PCSK6: variants seen among roughly 807,000 people sequenced by gnomAD.
PCSK6 encodes the protein proprotein convertase subtilisin/kexin type 6, also known as paired basic amino acid cleaving enzyme 4.
A neutral mutation model predicts 123.3 loss-of-function variants in PCSK6; 85 were observed. The ratio of observed to expected loss-of-function variants is 0.69; its 90% confidence interval spans 0.58 to 0.83. The LOEUF (loss-of-function observed/expected upper bound fraction) is 0.83. Ranked by LOEUF, PCSK6 falls within the 40% of genes least tolerant of loss-of-function variation. The pLI is 0.00. For synonymous variants in PCSK6, 508 were observed against 516.0 expected, an observed-to-expected ratio of 0.98 and a Z score of 0.21; for missense variants, 1,191 against 1,282.3, an observed-to-expected ratio of 0.93 and a Z score of 1.09.
chr15:101,483,886 A>C (rs7164308), intron 1 of PCSK6, among the ~76,000 whole-genome samples: 5,180 of 152,258 alleles, frequency 0.034, 299 homozygotes, highest in African/African-American at 0.12. Context: ...ACTTCTTAAC[A>C]TGGGCCTGCA....
At position 101,323,610 on chromosome 15, in the gene PCSK6, G is replaced by A. The variant is rs544428388; in HGVS notation, c.2378-1003C>T. ...TAGCCGGGCGTGATGGCGCATGCCT[G>A]TAAGCCCAGCTACTCGGGAGGCTGT... On this transcript the variant is annotated intron_variant, in intron 17 of 21. Coordinates refer to ENST00000611716, the MANE Select transcript of PCSK6 (RefSeq NM_002570.5). 4.6e-5 allele frequency among the ~76,000 whole-genome samples: 7 copies of A among 152,254 alleles called. No individual in the cohort carries two copies. In the South Asian group the frequency reaches 8.3e-4, roughly 18 times the overall value.
intron 13 of PCSK6, chr15:101,334,251 T>C (rs1464901780): frequency 2.0e-3 from 228 of 116,346 alleles, no homozygotes; most frequent in African/African-American, 7.3e-3. Flanking sequence ...AGGAAGTTGT[T>C]CTCACCGCTG....
intron 1 of PCSK6, among the ~76,000 whole-genome samples, chr15:101,473,291 G>A (rs1199639093): frequency 6.6e-6 from 1 of 152,130 alleles, no homozygotes; most frequent in Non-Finnish European, 1.5e-5. Context: ...CATCCAGGCT[G>A]GAGTACAGTG....
intron 15 of PCSK6, among the ~76,000 whole-genome samples, chr15:101,327,796 C>G (rs1190364104): frequency 2.0e-5 from 3 of 152,152 alleles, no homozygotes; most frequent in African/African-American, 7.2e-5. Flanking sequence ...CGAAGGCTCT[C>G]TGGTGTTATT....
intron 21 of PCSK6, among the ~76,000 whole-genome samples, chr15:101,306,840 G>C (rs1445436291): frequency 1.3e-5 from 2 of 152,086 alleles, no homozygotes; most frequent in Non-Finnish European, 2.9e-5. Flanking sequence ...GACCCTCCAG[G>C]CTTCCTGGCT....
At chr15:101,337,315 C>T (rs545486358) in intron 13 of PCSK6, 1 of 152,282 alleles carries the variant, frequency 6.6e-6, no homozygotes, top group South Asian at 2.1e-4. Context: ...CTTTCTAGTA[C>T]TTAAATGCTT....
chr15:101,451,200 T>C (rs544809686), intron 1 of PCSK6, among the ~76,000 whole-genome samples: 1 of 151,772 alleles, frequency 6.6e-6, no homozygotes, highest in South Asian at 2.1e-4. Context: ...TCCTGAGGAA[T>C]GGAGGAGGAA....
chr15:101,391,404 C>T (rs2042230175), intron 8 of PCSK6, among the ~76,000 whole-genome samples: 1 of 152,188 alleles, frequency 6.6e-6, no homozygotes, highest in Non-Finnish European at 1.5e-5. Context: ...GAAGGGGGTC[C>T]TGGGGAGCGA....
intron 13 of PCSK6, 136 bp downstream of exon 13, chr15:101,366,060 A>G: frequency 2.1e-6 from 2 of 942,092 alleles, no homozygotes; most frequent in Non-Finnish European, 3.1e-6. Context: ...TAAAATGGTG[A>G]ATTTTCTGTT....
chr15:101,479,846 T>C (rs570367038), intron 1 of PCSK6, among the ~76,000 whole-genome samples: 3 of 152,234 alleles, frequency 2.0e-5, no homozygotes, highest in Non-Finnish European at 2.9e-5. Flanking sequence ...CTTGGGCCTT[T>C]TGAAGGCAAG....
Position 101,403,327 on chromosome 15 carries a change from C to T in PCSK6, c.824-4751G>A, listed in dbSNP as rs568440141. 2.2e-4 allele frequency among the ~76,000 whole-genome samples: 33 copies of T among 149,364 alleles called. No homozygotes were observed. In the South Asian group the frequency reaches 2.8e-3, roughly 13 times the overall value. ...AGGAGATATACCTAATGCTAAATGA[C>T]CAGTTAATGGGTGCAGCACACCAGC... On this transcript the variant is annotated intron_variant, in intron 6 of 21. Coordinates refer to ENST00000611716, the MANE Select transcript of PCSK6 (RefSeq NM_002570.5).
chr15:101,353,437 C>A (rs1040832235), intron 13 of PCSK6, among the ~76,000 whole-genome samples: 2 of 152,072 alleles, frequency 1.3e-5, no homozygotes, highest in African/African-American at 2.4e-5. Flanking sequence ...CCCTAACAGT[C>A]CATGGACCAT....
chr15:101,322,866 A>G (rs904885931), intron 17 of PCSK6, among the ~76,000 whole-genome samples: 2 of 152,228 alleles, frequency 1.3e-5, no homozygotes, highest in African/African-American at 4.8e-5. Context: ...GCTTATTTCA[A>G]CAGGGATGGA....
intron 13 of PCSK6, among the ~76,000 whole-genome samples, chr15:101,355,398 G>T (rs907400729): frequency 6.6e-6 from 1 of 152,246 alleles, no homozygotes; most frequent in Non-Finnish European, 1.5e-5. Flanking sequence ...CTCCCTGGCA[G>T]GGGAAGACTG....
At chr15:101,483,094 G>C (rs538964615) in intron 1 of PCSK6, among the ~76,000 whole-genome samples, 2 of 152,184 alleles carry the variant, frequency 1.3e-5, no homozygotes, top group Non-Finnish European at 2.9e-5. Flanking sequence ...GGCCAGCCGC[G>C]CACAGCCAGT....
rs1185073843 is a variant in PCSK6, at chr15:101,307,193, G to A, written c.2812+20C>T. 4 of 1,588,266 alleles carry A rather than the reference G, an allele frequency of 2.5e-6. No homozygotes were observed. The highest frequency in any genetic ancestry group is 3.4e-5 in the Admixed American group (2 of 59,516). On this transcript the variant is annotated intron_variant, in intron 21 of 21. Transcript: ENST00000611716. The stretch of plus-strand genomic sequence containing the variant: ...GAGCTCCTCCACAGGCAGCCCCAGG[G>A]TAACCCAGCTGCTGCTCACCGTTGC...
chr15:101,445,398 A>C (rs1380501623), intron 1 of PCSK6, among the ~76,000 whole-genome samples: 2 of 152,208 alleles, frequency 1.3e-5, no homozygotes, highest in Non-Finnish European at 1.5e-5. Context: ...CGTGTGAAAG[A>C]GCTAGCAGAG....
In PCSK6 at chr15:101,394,162, CAG is replaced by C. The variant is rs750186548; in HGVS notation, c.997-740_997-739del. On this transcript the variant is annotated intron_variant, in intron 7 of 21. Transcript: ENST00000611716. The stretch of plus-strand genomic sequence containing the variant: ...GTTTTTTGTTTTTTTTTTTTTGAGA[CAG>C]GGGTCTTGCTACGTTACCCAGGCTG... 1.3e-3 allele frequency among the ~76,000 whole-genome samples: 174 copies of C among 128,968 alleles called. No individual in the cohort carries two copies. The Middle Eastern group carries it at 0.019, about 14-fold the overall frequency. The allele number at this position is 128,968 out of a possible 152,430, so 84.6% of individuals were successfully genotyped here.
In PCSK6 at chr15:101,391,484, G is replaced by A. The variant is rs117230627; in HGVS notation, c.1209+1728C>T. 1.1e-3 allele frequency among the ~76,000 whole-genome samples: 169 copies of A among 152,326 alleles called. 6 individuals carry two copies. The East Asian group carries it at 0.028, about 25-fold the overall frequency. On this transcript the variant is annotated intron_variant, in intron 8 of 21. Coordinates refer to ENST00000611716, the MANE Select transcript of PCSK6 (RefSeq NM_002570.5). ...AGCCCCTCCTGAGTCCTAGTGCCAC[G>A]CCTGGGACACAGCTCGTGTTCAGTG...
Sources: gnomAD v4.1 joint callset for allele counts (sites outside exome capture counted in the v4.1 genomes callset) on GRCh38, gnomAD v4.1.1 for gene constraint, MANE v1.5 for transcripts, NCBI Gene and HGNC (gene_info 2026-07-23, HGNC 2026-07-21) for gene names.